The following BCL7C variants were observed in gnomAD, a reference collection of about 807,000 sequenced individuals.
BCL7C encodes BAF chromatin remodeling complex subunit BCL7C, also known as B-cell CLL/lymphoma 7 protein family member C.
In BCL7C, 8 loss-of-function variants were observed where a neutral mutation model predicts 26.2. The ratio of observed to expected loss-of-function variants is 0.30; its 90% CI spans 0.18 to 0.55. The LOEUF (loss-of-function observed/expected upper bound fraction) is 0.55, where lower values mean the gene tolerates loss of function less well. BCL7C is among the 20% of genes least tolerant of loss of function. BCL7C has a pLI of 0.93. For missense variants in BCL7C, 262 were observed against 298.5 expected (o/e 0.88, Z 0.90); for synonymous variants, 90 against 116.5 (o/e 0.77, Z 1.47).
rs1596804818 is a variant in BCL7C at position 30,834,802 on chromosome 16, C to T, written c.*146G>A. ...CAGATGGGTGCTGTGGCCTTAGGTTCGGGCAGGTGTGGGGCCGCTCGCCCT... is the reference window on the plus strand; with the variant it reads ...CAGATGGGTGCTGTGGCCTTAGGTTTGGGCAGGTGTGGGGCCGCTCGCCCT... On this transcript the variant is annotated 3_prime_UTR_variant, in exon 6 of 6. Coordinates refer to the BCL7C transcript ENST00000380317. This position sits in a 1 kb window ranked among gnomAD's most constrained non-coding sequence, Gnocchi z 4.3. 9.2e-6 allele frequency: 7 copies of T among 757,390 alleles called. No homozygotes were observed. The highest frequency in any genetic ancestry group is 1.8e-5 in the African/African-American group (1 of 56,240). The allele number at this position is 757,390 out of a possible 1,614,324, so 46.9% of individuals were successfully genotyped here. A position where few individuals can be genotyped will look rare whatever the true frequency, so the allele number is the denominator to read the frequency against.
intron 5 of BCL7C, among the ~76,000 whole-genome samples, chr16:30,878,738 G>A (rs1488190863): frequency 1.3e-5 from 2 of 151,372 alleles, no homozygotes; most frequent in Non-Finnish European, 2.9e-5. Context: ...AGCTACTCAG[G>A]AGGCTGAGGC....
At chr16:30,833,769 A>T (rs1393551841) in exon 6 of BCL7C, 1 of 152,216 alleles carries the variant, frequency 6.6e-6, no homozygotes, top group Non-Finnish European at 1.5e-5. Context: ...GTTGACTTTC[A>T]TCCCAGGGAG....
intron 5 of BCL7C, among the ~76,000 whole-genome samples, chr16:30,844,377 G>A (rs6420449): frequency 0.97 from 133,865 of 137,738 alleles, 65,169 homozygotes; most frequent in Middle Eastern, 1. Context: ...AAAAAAAAGG[G>A]AAAAAACAAA....
chr16:30,834,860 T>A lies in BCL7C; in HGVS notation c.*88A>T, dbSNP rs1475837983. On this transcript the variant is annotated 3_prime_UTR_variant, in exon 6 of 6. Coordinates refer to the BCL7C transcript ENST00000380317. The surrounding 1 kb of genome is among the most constrained non-coding windows in gnomAD (Gnocchi z 4.3). ...TACCGCGGTGGGTGAGCTGGGAAGC[T>A]CTTTCCGCCCTCGGGGCACAGGTAG... 1.5e-6 allele frequency: 2 copies of A among 1,317,274 alleles called. No homozygotes were observed. The highest frequency in any genetic ancestry group is 3.0e-5 in the African/African-American group (2 of 66,892). The allele number at this position is 1,317,274 out of a possible 1,614,324, so 81.6% of individuals were successfully genotyped here.
At chr16:30,884,145 T>G (rs1596617321), downstream of BCL7C, among the ~76,000 whole-genome samples, 6 of 135,260 alleles carry the variant, frequency 4.4e-5, no homozygotes, top group Admixed American at 1.5e-4. Flanking sequence ...AAAAGCCAGG[T>G]CAAAGAATGG....
At position 30,887,816 on chromosome 16, in the gene BCL7C, T is replaced by G; in HGVS notation, c.*49A>C. 3.9e-6 allele frequency: 6 copies of G among 1,532,998 alleles called. No individual in the cohort carries two copies. The highest frequency in any genetic ancestry group is 5.2e-6 in the Non-Finnish European group (6 of 1,146,564). 95.0% of individuals were successfully genotyped at this position (1,532,998 alleles called of 1,614,324 possible). On this transcript the variant is annotated 3_prime_UTR_variant, in exon 6 of 6. Coordinates refer to ENST00000215115, the MANE Select transcript of BCL7C (RefSeq NM_004765.4). ...AAAATTACAAAAGGGTCTTTATTTG[T>G]AAAAAGCCAAAGGGGCCCCTGGGGC...
At chr16:30,868,871 A>T (rs1428579371) in intron 5 of BCL7C, among the ~76,000 whole-genome samples, 3 of 152,000 alleles carry the variant, frequency 2.0e-5, no homozygotes, top group East Asian at 1.9e-4. Flanking sequence ...AAAAAGATTT[A>T]AAAAAAATTG....
intron 5 of BCL7C, among the ~76,000 whole-genome samples, chr16:30,872,622 A>G (rs560695833): frequency 1.3e-5 from 2 of 152,284 alleles, no homozygotes; most frequent in South Asian, 2.1e-4. Flanking sequence ...ATTTGTTAGA[A>G]GAGGTACCCA....
At chr16:30,840,939 T>G (rs2054598200) in intron 5 of BCL7C, among the ~76,000 whole-genome samples, 2 of 152,136 alleles carry the variant, frequency 1.3e-5, no homozygotes, top group Non-Finnish European at 2.9e-5. Flanking sequence ...GAGATTACAA[T>G]GGGGACTATA....
At chr16:30,881,829 C>T (rs1375635108) in intron 5 of BCL7C, among the ~76,000 whole-genome samples, 1 of 152,148 alleles carries the variant, frequency 6.6e-6, no homozygotes, top group African/African-American at 2.4e-5. Context: ...CCCTGCCTCG[C>T]CCCCGCTTAA....
intron 5 of BCL7C, among the ~76,000 whole-genome samples, chr16:30,870,525 G>A (rs1308774116): frequency 6.6e-6 from 1 of 151,726 alleles, no homozygotes; most frequent in Non-Finnish European, 1.5e-5. Context: ...AATTAGCCGG[G>A]TGGGCTGGGT....
At position 30,892,661 on chromosome 16, in the gene BCL7C, G is replaced by A. The variant is rs766297855; in HGVS notation, c.367C>T (p.Arg123Cys). 1.2e-5 allele frequency: 20 copies of A among 1,613,626 alleles called. No individual in the cohort carries two copies. The highest frequency in any genetic ancestry group is 1.2e-4 in the South Asian group (11 of 91,050). The change falls in exon 4 of 6, where the codon CGC becomes TGC. Residue 123 changes from arginine to cysteine, a missense_variant. Physicochemically the swap from Arg to Cys is radical, Grantham distance 180. Transcript: ENST00000215115. The part of the protein sequence containing the change: ...PSPGGTPQPS[R>C]PVSPAGPPEG... Reference sequence around the variant, plus strand: ...GGGGGTCCGGCAGGTGACACAGGGCGGCTGGGCTGGGGGGTGCCCCCAGGA... The same window carrying A: ...GGGGGTCCGGCAGGTGACACAGGGCAGCTGGGCTGGGGGGTGCCCCCAGGA...
chr16:30,836,471 C>CTTT (rs762842983), intron 5 of BCL7C, among the ~76,000 whole-genome samples: 15 of 116,958 alleles, frequency 1.3e-4, no homozygotes, highest in African/African-American at 2.6e-4. Flanking sequence ...GAGACCCTGT[C>CTTT]TTTTTTTTTT....
chr16:30,874,516 T>G (rs2054918280), intron 5 of BCL7C, among the ~76,000 whole-genome samples: 1 of 151,576 alleles, frequency 6.6e-6, no homozygotes, highest in Non-Finnish European at 1.5e-5. Flanking sequence ...ACTCCTGAGG[T>G]TGAGGTGGGA....
At chr16:30,858,869 T>C (rs1437058437) in intron 5 of BCL7C, among the ~76,000 whole-genome samples, 1 of 152,102 alleles carries the variant, frequency 6.6e-6, no homozygotes, top group Non-Finnish European at 1.5e-5. Context: ...CATAGCCTGA[T>C]AAAATCCCTG....
intron 5 of BCL7C, among the ~76,000 whole-genome samples, chr16:30,859,732 C>T (rs959844144): frequency 4.6e-5 from 7 of 152,182 alleles, no homozygotes. Flanking sequence ...GTACACCTAT[C>T]CCAAACCCAT....
At position 30,893,764 on chromosome 16, in the gene BCL7C, C is replaced by T. The variant is rs1217873050; in HGVS notation, c.92+89G>A. ...AGTGGGTGGAGATACACCGAACACC[C>T]GGGGCCCAGAGCTGGCGAGGGCAGC... On this transcript the variant is annotated intron_variant, in intron 1 of 5. Transcript: ENST00000215115. The surrounding 1 kb of genome is among the most constrained non-coding windows in gnomAD (Gnocchi z 5.2). 1 of 1,192,636 alleles carries T rather than the reference C, an allele frequency of 8.4e-7. No homozygotes were observed. Among genetic ancestry groups the T allele is most frequent in the Non-Finnish European group, 1.2e-6 (1 of 822,494 alleles). 73.9% of individuals were successfully genotyped at this position (1,192,636 alleles called of 1,614,324 possible). A position where few individuals can be genotyped will look rare whatever the true frequency, so the allele number is the denominator to read the frequency against.
downstream of BCL7C, chr16:30,887,675 G>T: frequency 1.1e-6 from 1 of 909,972 alleles, no homozygotes; most frequent in South Asian, 2.0e-5. Flanking sequence ...CTGCCTTGTG[G>T]TGTCACTACA....
downstream of BCL7C, among the ~76,000 whole-genome samples, chr16:30,885,413 C>CTT (rs976698363): frequency 4.9e-5 from 7 of 141,826 alleles, no homozygotes; most frequent in African/African-American, 1.3e-4. Flanking sequence ...GTGGCTTTTT[C>CTT]TTTTTTTTTT....
Sources: allele counts gnomAD v4.1 joint callset (sites outside exome capture counted in the v4.1 genomes callset), GRCh38; gene constraint gnomAD v4.1.1; non-coding constraint Gnocchi (gnomAD v3.1); transcripts MANE v1.5; gene names NCBI Gene and HGNC (gene_info 2026-07-23, HGNC 2026-07-21).